The following LRRC20 variants were observed in gnomAD, a reference collection of about 807,000 sequenced individuals.
LRRC20 encodes leucine-rich repeat-containing protein 20.
LRRC20 carries 11 observed loss-of-function variants against 14.4 expected under a neutral mutation model. The ratio of observed to expected loss-of-function variants is 0.77; its 90% CI spans 0.48 to 1.27. LRRC20 has a LOEUF of 1.27. Among genes scored for constraint, LRRC20 ranks in the 50% most tolerant of loss-of-function variants. The pLI, the probability that LRRC20 is intolerant of heterozygous loss-of-function variation, is 0.00. For synonymous variants in LRRC20, 121 were observed against 107.3 expected (o/e 1.13, Z -0.79); for missense variants, 219 against 251.2 (o/e 0.87, Z 0.87).
chr10:70,365,841 C>T (rs10999298), intron 2 of LRRC20, among the ~76,000 whole-genome samples: 22,815 of 152,074 alleles, frequency 0.15, 2,442 homozygotes, highest in African/African-American at 0.31. Flanking sequence ...GAGGCCGAGG[C>T]GGGCGGATCA....
At chr10:70,301,623 C>G in intron 4 of LRRC20, 115 bp from the exon 5 acceptor site, 1 of 1,294,896 alleles carries the variant, frequency 7.7e-7, no homozygotes, top group Non-Finnish European at 1.1e-6. Flanking sequence ...TCTCCATTGC[C>G]CACTGCACGT....
intron 2 of LRRC20, among the ~76,000 whole-genome samples, chr10:70,372,735 C>A (rs1367635344): frequency 6.6e-6 from 1 of 151,934 alleles, no homozygotes; most frequent in African/African-American, 2.4e-5. Context: ...AGCCACTGCG[C>A]CCGGCCGAGA....
At chr10:70,339,122 T>C (rs12251412) in intron 3 of LRRC20, among the ~76,000 whole-genome samples, 38,833 of 152,108 alleles carry the variant, frequency 0.26, 5,366 homozygotes, top group African/African-American at 0.32. Flanking sequence ...GCCTTCAGTG[T>C]GACAGGACTA....
intron 2 of LRRC20, among the ~76,000 whole-genome samples, chr10:70,364,613 C>T (rs1304892927): frequency 1.3e-5 from 2 of 152,212 alleles, no homozygotes; most frequent in Non-Finnish European, 2.9e-5. Context: ...CCAGCAACAG[C>T]TCACCCAGCA....
At chr10:70,309,523 T>C (rs1841564117) in intron 4 of LRRC20, among the ~76,000 whole-genome samples, 1 of 152,192 alleles carries the variant, frequency 6.6e-6, no homozygotes, top group Admixed American at 6.5e-5. Context: ...AAGATAACAA[T>C]GACAGGCAAG....
At chr10:70,360,527 C>G (rs1037074615) in intron 2 of LRRC20, among the ~76,000 whole-genome samples, 2 of 152,224 alleles carry the variant, frequency 1.3e-5, no homozygotes, top group African/African-American at 4.8e-5. Context: ...ACCTAGACCT[C>G]TCAGGCTCAA....
chr10:70,310,418 G>A (rs1158080021), intron 4 of LRRC20, among the ~76,000 whole-genome samples: 2 of 152,236 alleles, frequency 1.3e-5, no homozygotes, highest in South Asian at 2.1e-4. Context: ...TCAATACCAT[G>A]GGCCATGCTC....
intron 2 of LRRC20, among the ~76,000 whole-genome samples, chr10:70,363,100 T>C (rs531970843): frequency 3.1e-5 from 3 of 96,878 alleles, no homozygotes; most frequent in African/African-American, 1.1e-4. Context: ...GTGAGACTTA[T>C]CTCTATTAAA....
In LRRC20 at chr10:70,300,247, G is replaced by A. The variant is rs1000585655; in HGVS notation, c.*1107C>T. On this transcript the variant is annotated 3_prime_UTR_variant, in exon 5 of 5. Coordinates refer to ENST00000446961, the MANE Select transcript of LRRC20 (RefSeq NM_001278212.2). The stretch of plus-strand genomic sequence containing the variant: ...AGCAAGAGCCCCAGGCCCTCTCCTG[G>A]TAGGGGACCAACCATCCCCACTTGC... The A allele has an allele frequency of 1.0e-4, 58 of 580,582 alleles. No individual in the cohort carries two copies. Among genetic ancestry groups the A allele is most frequent in the Non-Finnish European group, 1.2e-4 (53 of 460,204 alleles). The allele number at this position is 580,582 out of a possible 1,614,324, so 36.0% of individuals were successfully genotyped here. A position where few individuals can be genotyped will look rare whatever the true frequency, so the allele number is the denominator to read the frequency against.
chr10:70,336,291 C>T (rs541199238), intron 3 of LRRC20, among the ~76,000 whole-genome samples: 7 of 152,262 alleles, frequency 4.6e-5, no homozygotes. Context: ...ACTGAATATA[C>T]AAACAGGCAA....
At chr10:70,317,167 G>A (rs1841895087) in intron 4 of LRRC20, among the ~76,000 whole-genome samples, 2 of 152,158 alleles carry the variant, frequency 1.3e-5, no homozygotes, top group Non-Finnish European at 2.9e-5. Context: ...AGCCCAGAGG[G>A]TCCCTGCCTC....
At chr10:70,342,174 G>T (rs1842940219) in intron 2 of LRRC20, among the ~76,000 whole-genome samples, 1 of 152,044 alleles carries the variant, frequency 6.6e-6, no homozygotes, top group African/African-American at 2.4e-5. Context: ...GCTGGGCATG[G>T]TGGCACATGC....
chr10:70,337,876 G>A (rs1842771745), intron 3 of LRRC20, among the ~76,000 whole-genome samples: 1 of 152,182 alleles, frequency 6.6e-6, no homozygotes, highest in South Asian at 2.1e-4. Flanking sequence ...TCAAGGGAAG[G>A]TCTAATGAAG....
At chr10:70,372,357 T>A (rs1003217654) in intron 2 of LRRC20, among the ~76,000 whole-genome samples, 1 of 152,148 alleles carries the variant, frequency 6.6e-6, no homozygotes, top group Non-Finnish European at 1.5e-5. Flanking sequence ...AGGTTTAACA[T>A]AATTCGTACC....
At chr10:70,306,126 CT>C in intron 4 of LRRC20, among the ~76,000 whole-genome samples, 1 of 151,144 alleles carries the variant, frequency 6.6e-6, no homozygotes, top group Non-Finnish European at 1.5e-5. Context: ...CTCTCTCTCT[CT>C]CCCCCACCCC....
intron 2 of LRRC20, among the ~76,000 whole-genome samples, chr10:70,343,088 T>G (rs1256114815): frequency 6.6e-6 from 1 of 152,260 alleles, no homozygotes; most frequent in African/African-American, 2.4e-5. Flanking sequence ...CTCCCTCATC[T>G]GCCTCACAGA....
chr10:70,307,746 C>G (rs941045995), intron 4 of LRRC20, among the ~76,000 whole-genome samples: 1 of 152,238 alleles, frequency 6.6e-6, no homozygotes, highest in Non-Finnish European at 1.5e-5. Flanking sequence ...AGGATACGCC[C>G]GGCTTTCCAG....
intron 4 of LRRC20, among the ~76,000 whole-genome samples, chr10:70,323,122 G>A (rs1842156184): frequency 6.6e-6 from 1 of 152,110 alleles, no homozygotes; most frequent in African/African-American, 2.4e-5. Context: ...AGGATGAACT[G>A]GGGCTGAGCC....
intron 1 of LRRC20, 120 bp downstream of exon 1, chr10:70,382,429 A>C (rs535759907): frequency 9.9e-5 from 15 of 152,158 alleles, no homozygotes; most frequent in African/African-American, 3.6e-4. Flanking sequence ...ACGCTGCAAA[A>C]ATCGGAACAC....
Sources: gnomAD v4.1 joint callset for allele counts (sites outside exome capture counted in the v4.1 genomes callset) on GRCh38, gnomAD v4.1.1 for gene constraint, MANE v1.5 for transcripts, NCBI Gene and HGNC (gene_info 2026-07-23, HGNC 2026-07-21) for gene names.